TUBGCP4: variants seen among roughly 807,000 people sequenced by gnomAD.
TUBGCP4 encodes tubulin gamma complex component 4.
A neutral mutation model predicts 91.6 loss-of-function variants in TUBGCP4; 54 were observed. That is an observed-to-expected ratio of 0.59 (90% CI 0.47 to 0.74). TUBGCP4 has a LOEUF of 0.74. Among genes scored for constraint, TUBGCP4 ranks in the 30% least tolerant of loss-of-function variants. TUBGCP4 has a pLI of 0.00. For missense variants in TUBGCP4, 593 were observed against 800.9 expected, an observed-to-expected ratio of 0.74 and a Z score of 3.13; for synonymous variants, 297 against 302.8, an observed-to-expected ratio of 0.98 and a Z score of 0.20.
chr15:43,395,006 T>C (rs1036216414), intron 9 of TUBGCP4, 101 bp from the exon 10 acceptor site: 17 of 1,272,116 alleles, frequency 1.3e-5, no homozygotes, highest in Non-Finnish European at 1.8e-5. Context: ...GGGCAAGGTA[T>C]AGTCTTCTTT....
chr15:43,409,173 TG>T lies in TUBGCP4; in HGVS notation c.*3960del. On this transcript the variant is annotated 3_prime_UTR_variant, in exon 18 of 18. Coordinates refer to ENST00000564079, the MANE Select transcript of TUBGCP4 (RefSeq NM_014444.5). ...CCTAAGCAGCAGCCATAATGAGCCA[TG>T]AAGAGCAGATCTGAAGACTCCCAAC... The T allele has an allele frequency of 7.2e-7, 1 of 1,392,104 alleles. No individual in the cohort carries two copies. The highest frequency in any genetic ancestry group is 1.0e-6 in the Non-Finnish European group (1 of 989,932). The allele number at this position is 1,392,104 out of a possible 1,614,324, so 86.2% of individuals were successfully genotyped here.
At chr15:43,375,948 C>A in intron 1 of TUBGCP4, 150 bp from the exon 2 acceptor site, 2 of 1,206,810 alleles carry the variant, frequency 1.7e-6, no homozygotes, top group Non-Finnish European at 2.3e-6. Flanking sequence ...CTTTGAAGTG[C>A]TTTGGAAATA....
intron 9 of TUBGCP4, 47 bp downstream of exon 9, chr15:43,386,377 A>ATATATATTTTTTTTT (rs1555394852): frequency 5.2e-5 from 1 of 19,102 alleles, no homozygotes; most frequent in African/African-American, 3.0e-4. Flanking sequence ...ATATATATAT[A>ATATATATTTTTTTTT]TTTTTTTTTT....
At chr15:43,395,395 C>T in intron 10 of TUBGCP4, 188 bp from the exon 11 acceptor site, 1 of 666,380 alleles carries the variant, frequency 1.5e-6, no homozygotes. Flanking sequence ...TAAATAATGC[C>T]AAATACACAC....
chr15:43,385,567 C>T, intron 7 of TUBGCP4: 1 of 540,262 alleles, frequency 1.9e-6, no homozygotes, highest in Non-Finnish European at 3.3e-6. Flanking sequence ...GAGTGAGGGC[C>T]CAAATCCCAG....
At chr15:43,381,068 A>G (rs2044278858) in intron 6 of TUBGCP4, among the ~76,000 whole-genome samples, 1 of 152,086 alleles carries the variant, frequency 6.6e-6, no homozygotes, top group Non-Finnish European at 1.5e-5. Context: ...TGGCCTCCCA[A>G]AGTGTTGAGA....
In TUBGCP4 at chr15:43,371,259, T is replaced by G. The variant is rs1595472107; in HGVS notation, c.-96T>G. 7.9e-7 allele frequency: 1 copy of G among 1,260,368 alleles called. No homozygotes were observed. Among genetic ancestry groups the G allele is most frequent in the Non-Finnish European group, 1.1e-6 (1 of 881,988 alleles). 78.1% of individuals were successfully genotyped at this position (1,260,368 alleles called of 1,614,324 possible). A position where few individuals can be genotyped will look rare whatever the true frequency, so the allele number is the denominator to read the frequency against. ...ACAAACCGCCCGACCCAGGGGCCGG[T>G]GCGCGTGTGGAAGGGGAAGCACTCC... On this transcript the variant is annotated 5_prime_UTR_variant, in exon 1 of 18. Transcript: ENST00000564079.
At position 43,385,798 on chromosome 15, in the gene TUBGCP4, T is replaced by C. The variant is rs139658236; in HGVS notation, c.731T>C (p.Ile244Thr). 882 of 1,614,138 alleles carry C rather than the reference T, an allele frequency of 5.5e-4. 7 individuals are homozygous for C. In the African/African-American group the frequency reaches 0.011, roughly 20 times the overall value. ...TACTCTTTCCTTGACTAGCGCCTGA[T>C]TGAGGAAGAGAACATGCTGGCACCA... ...QLRELQDLRL[I>T]EEENMLAPSL... is the part of the protein sequence containing the mutation. The change falls in exon 8 of 18, where the codon ATT (isoleucine) becomes ACT (threonine). Residue 244 changes from isoleucine to threonine, a missense_variant. By Grantham distance (89) the Ile-to-Thr change is moderately conservative (BLOSUM62 -1). Transcript: ENST00000564079.
Position 43,409,348 on chromosome 15 carries a change from A to T in TUBGCP4, c.*4134A>T. 1 of 576,804 alleles carries T rather than the reference A, an allele frequency of 1.7e-6. No individual in the cohort carries two copies. Among genetic ancestry groups the T allele is most frequent in the Non-Finnish European group, 3.1e-6 (1 of 324,290 alleles). The allele number at this position is 576,804 out of a possible 1,614,324, so 35.7% of individuals were successfully genotyped here. ...ACGGACAACCAAAACCTATGAACTC[A>T]GCCTTTCAGGCTAAAAATCAGCAAC... On this transcript the variant is annotated 3_prime_UTR_variant, in exon 18 of 18. Coordinates refer to ENST00000564079, the MANE Select transcript of TUBGCP4 (RefSeq NM_014444.5).
intron 10 of TUBGCP4, 199 bp downstream of exon 10, chr15:43,395,356 C>CAT (rs753363666): frequency 5.5e-5 from 37 of 669,624 alleles, no homozygotes; most frequent in Middle Eastern, 5.4e-4. Context: ...TTTTTTCTGG[C>CAT]ATATATATAT....
At position 43,400,216 on chromosome 15, in the gene TUBGCP4, C is replaced by A. The variant is rs751929235; in HGVS notation, c.1591C>A (p.Leu531Ile). 2.3e-5 allele frequency: 37 copies of A among 1,613,796 alleles called. 1 individual carries two copies. Among genetic ancestry groups the A allele is most frequent in the Non-Finnish European group, 3.1e-5 (37 of 1,179,910 alleles). The change falls in exon 14 of 18, where the codon CTC becomes ATC. Residue 531 changes from leucine to isoleucine, a missense_variant. Coordinates refer to ENST00000564079, the MANE Select transcript of TUBGCP4 (RefSeq NM_014444.5). ...TTTGGTGGATAATCTTCAGTACTATCTCCAGGTCTGTGCTAAGAGATGAGT... is the reference window on the plus strand; with the variant it reads ...TTTGGTGGATAATCTTCAGTACTATATCCAGGTCTGTGCTAAGAGATGAGT... ...AFLVDNLQYY[L>I]QVDVLESQFS...
rs967919847 is a variant in TUBGCP4 at position 43,408,414 on chromosome 15, G to A, written c.*3200G>A. ...GGGGATCACTTCAGCCTGGGAGGTTGAGGCTGCAGTAAGTCGTCACTGCGC... is the reference window on the plus strand; with the variant it reads ...GGGGATCACTTCAGCCTGGGAGGTTAAGGCTGCAGTAAGTCGTCACTGCGC... On this transcript the variant is annotated 3_prime_UTR_variant, in exon 18 of 18. Coordinates refer to ENST00000564079, the MANE Select transcript of TUBGCP4 (RefSeq NM_014444.5). 1 of 286,736 alleles carries A rather than the reference G, an allele frequency of 3.5e-6. No homozygotes were observed. The highest frequency in any genetic ancestry group is 4.3e-5 in the South Asian group (1 of 23,222). The allele number at this position is 286,736 out of a possible 1,614,324, so 17.8% of individuals were successfully genotyped here.
chr15:43,395,721 GA>G, intron 11 of TUBGCP4, 33 bp downstream of exon 11: 1 of 1,547,124 alleles, frequency 6.5e-7, no homozygotes, highest in Non-Finnish European at 8.9e-7. Context: ...ATGATCAACT[GA>G]TTGACATTGC....
intron 11 of TUBGCP4, among the ~76,000 whole-genome samples, chr15:43,396,778 C>T (rs1172243983): frequency 6.6e-6 from 1 of 152,098 alleles, no homozygotes; most frequent in Non-Finnish European, 1.5e-5. Flanking sequence ...TAGTCTCTAG[C>T]CAAGTTTACA....
intron 1 of TUBGCP4, among the ~76,000 whole-genome samples, chr15:43,372,039 C>G (rs1332343009): frequency 2.0e-5 from 3 of 152,178 alleles, no homozygotes; most frequent in Admixed American, 6.5e-5. Flanking sequence ...AGTTAAATAA[C>G]TATCGGGGTC....
At chr15:43,389,465 T>A (rs751497780) in intron 9 of TUBGCP4, among the ~76,000 whole-genome samples, 2 of 152,168 alleles carry the variant, frequency 1.3e-5, no homozygotes, top group Non-Finnish European at 2.9e-5. Flanking sequence ...GCTCAGGTGG[T>A]CCTTCTGTGA....
At position 43,408,524 on chromosome 15, in the gene TUBGCP4, T is replaced by C. The variant is rs889469046; in HGVS notation, c.*3310T>C. 2.1e-4 allele frequency: 59 copies of C among 275,834 alleles called. No individual in the cohort carries two copies. The highest frequency in any genetic ancestry group is 1.2e-3 in the African/African-American group (57 of 45,876). 17.1% of individuals were successfully genotyped at this position (275,834 alleles called of 1,614,324 possible). A position where few individuals can be genotyped will look rare whatever the true frequency, so the allele number is the denominator to read the frequency against. Reference sequence around the variant, plus strand: ...TTAGGGTCCCCCTTCTCTTCCTTCTTTCTATGAATGATCTGTATTCCTTGC... The same window carrying C: ...TTAGGGTCCCCCTTCTCTTCCTTCTCTCTATGAATGATCTGTATTCCTTGC... On this transcript the variant is annotated 3_prime_UTR_variant, in exon 18 of 18. Transcript: ENST00000564079.
At chr15:43,382,451 C>T (rs1450837615) in intron 6 of TUBGCP4, among the ~76,000 whole-genome samples, 2 of 152,168 alleles carry the variant, frequency 1.3e-5, no homozygotes, top group East Asian at 1.9e-4. Flanking sequence ...AATTTAGAAC[C>T]GTCCCCCTTG....
Position 43,383,461 on chromosome 15 carries a change from T to C in TUBGCP4, c.680T>C (p.Ile227Thr), listed in dbSNP as rs1204903880. 3 of 1,613,256 alleles carry C rather than the reference T, an allele frequency of 1.9e-6. No homozygotes were observed. Among genetic ancestry groups the C allele is most frequent in the Non-Finnish European group, 2.5e-6 (3 of 1,179,724 alleles). Residue 227 changes from isoleucine (I) to threonine (T), a missense_variant, in exon 7 of 18, where the codon ATT (isoleucine) becomes ACT (threonine). Transcript: ENST00000564079. ...GAAGAGGACGAGGAGGATCTGGGCA[T>C]TGGGGGACTGACAGGAAAACAACTG... ...QPEEDEEDLG[I>T]GGLTGKQLRE...
Sources: allele counts gnomAD v4.1 joint callset (sites outside exome capture counted in the v4.1 genomes callset), GRCh38; gene constraint gnomAD v4.1.1; transcripts MANE v1.5; gene names NCBI Gene and HGNC (gene_info 2026-07-23, HGNC 2026-07-21).